The following DACH2 variants were observed in gnomAD, a reference collection of about 807,000 sequenced individuals.
DACH2 encodes dachshund family transcription factor 2.
DACH2 carries 17 observed loss-of-function variants against 35.8 expected under a neutral mutation model. The observed-to-expected ratio is 0.48, with a 90% confidence interval of 0.33 to 0.71. The LOEUF (loss-of-function observed/expected upper bound fraction) is 0.71. Among genes scored for constraint, DACH2 ranks in the 30% least tolerant of loss-of-function variants. The pLI, the probability that DACH2 is intolerant of heterozygous loss-of-function variation, is 0.02. For missense variants in DACH2, 469 were observed against 472.7 expected, an observed-to-expected ratio of 0.99 and a Z score of 0.07; for synonymous variants, 195 against 177.3, an observed-to-expected ratio of 1.10 and a Z score of -0.79.
intron 2 of DACH2, among the ~76,000 whole-genome samples, chrX:86,504,154 T>A (rs2038289740): frequency 9.1e-6 from 1 of 110,481 alleles, no homozygotes; most frequent in Admixed American, 9.7e-5. Flanking sequence ...AGCTGCCAAT[T>A]CCTCATAATT....
intron 4 of DACH2, among the ~76,000 whole-genome samples, chrX:86,653,579 A>C (rs1428076233): frequency 1.8e-5 from 2 of 110,589 alleles, no homozygotes; most frequent in Non-Finnish European, 3.8e-5. Flanking sequence ...CCATTCAGTA[A>C]TGAATTCCCT....
intron 8 of DACH2, 28 bp from the exon 9 acceptor site, chrX:86,813,102 C>G (rs750461189): frequency 5.3e-4 from 634 of 1,193,182 alleles, no homozygotes; most frequent in Non-Finnish European, 6.4e-4. Context: ...ATAAGATGAA[C>G]TGCATGTCAT....
chrX:86,720,341 G>A (rs1333594917), intron 6 of DACH2, among the ~76,000 whole-genome samples: 2 of 111,450 alleles, frequency 1.8e-5, no homozygotes, highest in East Asian at 5.7e-4. Context: ...CTATGAGTCT[G>A]TAAAATGAAA....
chrX:86,738,754 T>G, intron 6 of DACH2, among the ~76,000 whole-genome samples: 1 of 112,115 alleles, frequency 8.9e-6, no homozygotes, highest in Non-Finnish European at 1.9e-5. Context: ...TGCAAAAATA[T>G]TTTATTAAAA....
intron 1 of DACH2, chrX:86,161,278 C>T (rs2030746429): frequency 1.7e-6 from 2 of 1,189,454 alleles, no homozygotes; most frequent in African/African-American, 3.5e-5. Flanking sequence ...TTGGAGATAC[C>T]AGCTTCAAAT....
At chrX:86,665,871 C>T (rs761045563) in intron 4 of DACH2, among the ~76,000 whole-genome samples, 12 of 111,032 alleles carry the variant, frequency 1.1e-4, no homozygotes, top group African/African-American at 3.3e-4. Flanking sequence ...ATTTCTGGGT[C>T]GCTAGCATTT....
At chrX:86,551,802 G>A (rs1291885964) in intron 3 of DACH2, among the ~76,000 whole-genome samples, 1 of 111,796 alleles carries the variant, frequency 8.9e-6, no homozygotes, top group Non-Finnish European at 1.9e-5. Context: ...GCTCAGATAA[G>A]CAGTTAGTAG....
At chrX:86,240,394 A>C (rs2033138859) in intron 1 of DACH2, among the ~76,000 whole-genome samples, 1 of 109,512 alleles carries the variant, frequency 9.1e-6, no homozygotes, top group African/African-American at 3.3e-5. Context: ...TTTGCAATTG[A>C]ATGCAAGAAG....
intron 2 of DACH2, among the ~76,000 whole-genome samples, chrX:86,429,436 T>C (rs975373378): frequency 3.6e-5 from 4 of 111,983 alleles, no homozygotes; most frequent in Non-Finnish European, 5.6e-5. Flanking sequence ...ATTCCAAATG[T>C]AACCCGCAGG....
intron 2 of DACH2, among the ~76,000 whole-genome samples, chrX:86,393,440 ACT>A (rs2036233588): frequency 8.9e-6 from 1 of 112,411 alleles, no homozygotes; most frequent in African/African-American, 3.2e-5. Flanking sequence ...TACATAGATT[ACT>A]GGAGAGTTTC....
intron 3 of DACH2, among the ~76,000 whole-genome samples, chrX:86,554,513 G>A (rs1235392025): frequency 9.0e-6 from 1 of 111,686 alleles, no homozygotes; most frequent in African/African-American, 3.2e-5. Context: ...AATAAATCAT[G>A]TCATATATTA....
intron 3 of DACH2, among the ~76,000 whole-genome samples, chrX:86,628,379 T>C (rs1480385147): frequency 8.9e-6 from 1 of 112,098 alleles, no homozygotes; most frequent in Admixed American, 9.5e-5. Flanking sequence ...GTGACTCAGA[T>C]AGGCATACAG....
intron 2 of DACH2, among the ~76,000 whole-genome samples, chrX:86,444,038 T>A (rs2037216928): frequency 9.0e-6 from 1 of 111,593 alleles, no homozygotes; most frequent in Non-Finnish European, 1.9e-5. Context: ...CTCTCTCATC[T>A]TTACGTTTTT....
At chrX:86,765,287 A>T (rs1203391579) in intron 7 of DACH2, among the ~76,000 whole-genome samples, 1 of 111,736 alleles carries the variant, frequency 8.9e-6, no homozygotes, top group Non-Finnish European at 1.9e-5. Flanking sequence ...GAACTTAGCC[A>T]TAAATTTTTT....
chrX:86,719,249 CTTTA>C (rs1465957760), intron 6 of DACH2, among the ~76,000 whole-genome samples: 2 of 111,585 alleles, frequency 1.8e-5, no homozygotes, highest in South Asian at 7.5e-4. Context: ...GGATTGTTGT[CTTTA>C]TTTGTTTATC....
intron 2 of DACH2, among the ~76,000 whole-genome samples, chrX:86,436,487 A>G (rs184972056): frequency 6.6e-4 from 73 of 110,878 alleles, no homozygotes; most frequent in African/African-American, 2.2e-3. Flanking sequence ...GGTTTTCACA[A>G]GTTGAATGAG....
chrX:86,247,792 A>G (rs1326719125), intron 1 of DACH2, among the ~76,000 whole-genome samples: 2 of 111,189 alleles, frequency 1.8e-5, no homozygotes, highest in Middle Eastern at 4.6e-3. Context: ...AAAATCCTCA[A>G]CAAAATACTA....
At chrX:86,797,038 CTCTT>C (rs1174090156) in intron 7 of DACH2, among the ~76,000 whole-genome samples, 3 of 111,411 alleles carry the variant, frequency 2.7e-5, no homozygotes, top group African/African-American at 6.5e-5. Flanking sequence ...AATGTGGTCT[CTCTT>C]TCTCTCAAAA....
intron 1 of DACH2, among the ~76,000 whole-genome samples, chrX:86,318,039 G>A (rs1023115664): frequency 1.8e-5 from 2 of 112,006 alleles, no homozygotes; most frequent in Admixed American, 1.9e-4. Flanking sequence ...GTTGCAAAAC[G>A]AAATGGATTC....
Sources: allele counts gnomAD v4.1 joint callset (sites outside exome capture counted in the v4.1 genomes callset), GRCh38; gene constraint gnomAD v4.1.1; transcripts MANE v1.5; gene names NCBI Gene and HGNC (gene_info 2026-07-23, HGNC 2026-07-21).